The following CSF2RA variants were observed in gnomAD, a reference collection of about 807,000 sequenced individuals.
The protein encoded by CSF2RA is colony stimulating factor 2 receptor subunit alpha, also known as granulocyte-macrophage colony-stimulating factor receptor subunit alpha.
A neutral mutation model predicts 51.6 loss-of-function variants in CSF2RA; 42 were observed. The observed-to-expected ratio is 0.81, with a 90% confidence interval of 0.64 to 1.05. The LOEUF is 1.05. Among genes scored for constraint, CSF2RA ranks in the 50% least tolerant of loss-of-function variants. The pLI is 0.00. For synonymous variants in CSF2RA, 222 were observed against 193.0 expected, an observed-to-expected ratio of 1.15 and a Z score of -1.24; for missense variants, 530 against 501.1, an observed-to-expected ratio of 1.06 and a Z score of -0.55.
chrX:1,323,917 G>T, the CSF2RA span, among the ~76,000 whole-genome samples: 1 of 152,008 alleles, frequency 6.6e-6, no homozygotes, highest in African/African-American at 2.4e-5. Context: ...GGGAGGCTGA[G>T]GCAGGAGAAT....
chrX:1,300,767 G>A (rs1451297039), intron 10 of CSF2RA, 141 bp downstream of exon 10: 7 of 1,097,846 alleles, frequency 6.4e-6, no homozygotes, highest in East Asian at 2.4e-5. Flanking sequence ...TGAGCTTATC[G>A]CTGAGGCTCA....
At chrX:1,294,303 G>A in intron 7 of CSF2RA, 25 bp from the exon 8 acceptor site, 1 of 1,612,342 alleles carries the variant, frequency 6.2e-7, no homozygotes, top group Non-Finnish European at 8.5e-7. Flanking sequence ...CGGGTTCAGG[G>A]GTGTGTCCTG....
At chrX:1,324,429 AAG>A in the CSF2RA span, among the ~76,000 whole-genome samples, 5 of 111,874 alleles carry the variant, frequency 4.5e-5, no homozygotes, top group South Asian at 2.9e-4. Flanking sequence ...AAAAAGAAAG[AAG>A]AGAGAGAGAA....
rs775711116 is a variant in CSF2RA at position 1,309,377 on chromosome X, C to T, written c.1126-25C>T. On this transcript the variant is annotated intron_variant, in intron 12 of 12. Transcript: ENST00000381529. ...CCAGGCTGAGCTCGTGAAGATCTGA[C>T]AGCCTGAACCCTCCTTTTTCTCAGA... 5 of 1,611,718 alleles carry T rather than the reference C, an allele frequency of 3.1e-6. No homozygotes were observed. The African/African-American group carries it at 6.7e-5, about 22-fold the overall frequency.
intron 2 of CSF2RA, among the ~76,000 whole-genome samples, chrX:1,281,092 GCTCCCCTTCTCCTC>G (rs1569494680): frequency 3.3e-4 from 4 of 12,276 alleles, no homozygotes; most frequent in Non-Finnish European, 4.7e-4. Flanking sequence ...TTCTCCTCCT[GCTCCCCTTCTCCTC>G]CTCCTTCTCC....
At chrX:1,292,751 A>C (rs1446010598) in intron 7 of CSF2RA, among the ~76,000 whole-genome samples, 1 of 152,110 alleles carries the variant, frequency 6.6e-6, no homozygotes, top group East Asian at 1.9e-4. Context: ...CGGGTTTTAC[A>C]CGGAGACATT....
the CSF2RA span, among the ~76,000 whole-genome samples, chrX:1,317,989 T>C: frequency 6.6e-6 from 1 of 150,630 alleles, no homozygotes; most frequent in Admixed American, 6.6e-5. Flanking sequence ...TTCTTTTCTT[T>C]TTTTTTCTTT....
chrX:1,318,077 T>A, the CSF2RA span, among the ~76,000 whole-genome samples: 1 of 146,410 alleles, frequency 6.8e-6, no homozygotes, highest in African/African-American at 2.4e-5. Flanking sequence ...CAACCTCCAC[T>A]TCCCGGGTTC....
chrX:1,293,375 C>A (rs74375166), intron 7 of CSF2RA, among the ~76,000 whole-genome samples: 68,420 of 151,578 alleles, frequency 0.45, 15,904 homozygotes, highest in South Asian at 0.56. Context: ...CCCGCCACCA[C>A]GCCCGGCTAA....
the CSF2RA span, among the ~76,000 whole-genome samples, chrX:1,319,668 A>C: frequency 6.8e-6 from 1 of 146,600 alleles, no homozygotes; most frequent in African/African-American, 2.5e-5. Flanking sequence ...CTCCTGCCTC[A>C]GCCTCCCAAA....
downstream of CSF2RA, among the ~76,000 whole-genome samples, chrX:1,314,450 TTGCA>T (rs2084378488): frequency 3.8e-5 from 1 of 26,646 alleles, no homozygotes; most frequent in African/African-American, 2.0e-4. Context: ...ACTTGCCCAA[TTGCA>T]CTGCACCTGC....
the CSF2RA span, among the ~76,000 whole-genome samples, chrX:1,322,076 C>A: frequency 1.5e-5 from 2 of 134,198 alleles, no homozygotes; most frequent in Non-Finnish European, 3.3e-5. Context: ...TCAGGACCAG[C>A]CTGGGCAATA....
chrX:1,281,293 TA>T (rs1341614590), intron 2 of CSF2RA, among the ~76,000 whole-genome samples: 1 of 133,760 alleles, frequency 7.5e-6, no homozygotes. Context: ...CTCTTCCTCC[TA>T]CTCCTCCTTC....
At position 1,274,410 on chromosome X, in the gene CSF2RA, C is replaced by T. The variant is rs183796010; in HGVS notation, c.-90-345C>T. ...CTCAGCTCACTATCACTGTAACCTC[C>T]GCCTCCCGTGTTCAAGCTATTCTCC... is the stretch of plus-strand genomic sequence containing the variant. On this transcript the variant is annotated intron_variant, in intron 1 of 12. Transcript: ENST00000381529. Among the ~76,000 whole-genome samples the T allele has an allele frequency of 3.2e-3, 467 of 145,446 alleles. 1 individual carries two copies. The highest frequency in any genetic ancestry group is 0.01 in the African/African-American group (419 of 40,170).
chrX:1,281,276 TC>T (rs1173350132), intron 2 of CSF2RA, among the ~76,000 whole-genome samples: 2 of 92,658 alleles, frequency 2.2e-5, no homozygotes, highest in Admixed American at 1.2e-4. Context: ...TCCTGCTCCT[TC>T]TCCTCCTCTT....
In CSF2RA at chrX:1,288,577, C is replaced by G; in HGVS notation, c.278C>G (p.Thr93Arg). The change falls in exon 5 of 13, where the codon ACA (threonine) becomes AGA (arginine). Residue 93 changes from threonine to arginine, a missense_variant. Thr to Arg is a moderately conservative substitution (Grantham distance 71, BLOSUM62 -1). Coordinates refer to ENST00000381529, the MANE Select transcript of CSF2RA (RefSeq NM_172245.4). ...FREICLHEGV[T>R]FEVHVNTSQR... The stretch of plus-strand genomic sequence containing the variant: ...GAAATTTGTCTGCATGAAGGAGTCA[C>G]ATTTGAGGTTCACGTGAATACTAGT... 6.2e-7 allele frequency: 1 copy of G among 1,613,950 alleles called. No individual in the cohort carries two copies. The highest frequency in any genetic ancestry group is 8.5e-7 in the Non-Finnish European group (1 of 1,179,850).
the CSF2RA span, among the ~76,000 whole-genome samples, chrX:1,319,436 C>T: frequency 6.4e-4 from 96 of 149,894 alleles, no homozygotes; most frequent in African/African-American, 2.2e-3. Flanking sequence ...CACAGCTGAA[C>T]GTCACCACAC....
chrX:1,287,659 A>G (rs28595085), intron 4 of CSF2RA, among the ~76,000 whole-genome samples: 69,378 of 126,146 alleles, frequency 0.55, 17,718 homozygotes, highest in East Asian at 0.67. Context: ...GGCCAGGCTG[A>G]TCTTGAACTC....
intron 9 of CSF2RA, among the ~76,000 whole-genome samples, chrX:1,298,842 C>G (rs191850948): frequency 0.014 from 2,197 of 152,220 alleles, 24 homozygotes; most frequent in South Asian, 0.036. Flanking sequence ...TCACCTCCCC[C>G]TAGACCCAGT....
Sources: gnomAD v4.1 joint callset for allele counts (sites outside exome capture counted in the v4.1 genomes callset) on GRCh38, gnomAD v4.1.1 for gene constraint, MANE v1.5 for transcripts, NCBI Gene and HGNC (gene_info 2026-07-23, HGNC 2026-07-21) for gene names.